The following CFAP20DC variants were observed in gnomAD, a reference collection of about 807,000 sequenced individuals.
CFAP20DC encodes CFAP20 domain containing.
In CFAP20DC, 84 loss-of-function variants were observed where a neutral mutation model predicts 101.7. The ratio of observed to expected loss-of-function variants is 0.83; its 90% CI spans 0.69 to 0.99. The LOEUF is 0.99. Ranked by LOEUF, CFAP20DC falls within the 50% of genes least tolerant of loss-of-function variation. The probability of loss-of-function intolerance (pLI) is 0.00; values close to 1 mark genes in which losing one functional copy is unlikely to be tolerated. For synonymous variants in CFAP20DC, 359 were observed against 351.2 expected (o/e 1.02, Z -0.25); for missense variants, 1,007 against 970.3 (o/e 1.04, Z -0.50).
intron 4 of CFAP20DC, among the ~76,000 whole-genome samples, chr3:59,034,848 T>C (rs557465584): frequency 6.6e-4 from 100 of 152,280 alleles, no homozygotes; most frequent in African/African-American, 2.4e-3. Context: ...CCAGAACTAA[T>C]AGACATCTAC....
chr3:58,799,861 G>C lies in CFAP20DC; in HGVS notation c.2237+6534C>G, dbSNP rs1421816430. ...CTAAAGGTGACTGAGGGCTATTTTA[G>C]GGTGGACACTAAGAAAGGGCCTCCT... On this transcript the variant is annotated intron_variant, in intron 15 of 16. Transcript: ENST00000482387. This position sits in a 1 kb window ranked among gnomAD's most constrained non-coding sequence, Gnocchi z 4.9. Among the ~76,000 whole-genome samples the C allele has an allele frequency of 6.6e-6, 1 of 152,094 alleles. No homozygotes were observed. Among genetic ancestry groups the C allele is most frequent in the East Asian group, 1.9e-4 (1 of 5,194 alleles).
At chr3:58,809,692 T>A (rs1238319095) in intron 14 of CFAP20DC, among the ~76,000 whole-genome samples, 1 of 151,896 alleles carries the variant, frequency 6.6e-6, no homozygotes, top group African/African-American at 2.4e-5. Flanking sequence ...AGGCAAGACA[T>A]AACTAAAATC....
At chr3:58,775,865 C>T (rs2071292145) in intron 15 of CFAP20DC, among the ~76,000 whole-genome samples, 1 of 151,790 alleles carries the variant, frequency 6.6e-6, no homozygotes, top group African/African-American at 2.4e-5. Context: ...CCTGCCTCAG[C>T]CTCCTAAGTA....
At chr3:58,866,982 A>G (rs2108499311) in intron 10 of CFAP20DC, among the ~76,000 whole-genome samples, 1 of 152,272 alleles carries the variant, frequency 6.6e-6, no homozygotes, top group African/African-American at 2.4e-5. Context: ...AGGATCTTAT[A>G]TTTTTTCCCT....
intron 15 of CFAP20DC, among the ~76,000 whole-genome samples, chr3:58,783,186 A>G (rs986501826): frequency 3.9e-5 from 6 of 152,042 alleles, no homozygotes; most frequent in Non-Finnish European, 8.8e-5. Context: ...AGGAAAGGAT[A>G]ACCCCTTCAA....
At chr3:58,800,273 CA>C (rs1179608046) in intron 15 of CFAP20DC, among the ~76,000 whole-genome samples, 3 of 152,124 alleles carry the variant, frequency 2.0e-5, no homozygotes, top group Non-Finnish European at 4.4e-5. Flanking sequence ...AGTATTTGCC[CA>C]GGTGAGAGGT....
intron 4 of CFAP20DC, among the ~76,000 whole-genome samples, chr3:58,979,351 T>C (rs750735136): frequency 1.3e-5 from 2 of 152,232 alleles, no homozygotes; most frequent in Non-Finnish European, 2.9e-5. Flanking sequence ...GCTATAAGGA[T>C]TGAATGCAAT....
chr3:58,797,885 C>G (rs956558920), intron 15 of CFAP20DC, among the ~76,000 whole-genome samples: 1 of 151,988 alleles, frequency 6.6e-6, no homozygotes, highest in Non-Finnish European at 1.5e-5. Context: ...ATAAAAGGAC[C>G]AACAAAGCCT....
In CFAP20DC at chr3:58,721,348, C is replaced by T. The variant is rs2067470370; in HGVS notation, c.198-3720G>A. Among the ~76,000 whole-genome samples, 1 of 152,098 alleles carries T rather than the reference C, an allele frequency of 6.6e-6. No homozygotes were observed. The highest frequency in any genetic ancestry group is 2.4e-5 in the African/African-American group (1 of 41,390). On this transcript the variant is annotated intron_variant, in intron 3 of 3. Coordinates refer to the CFAP20DC transcript ENST00000486145. This position sits in a 1 kb window ranked among gnomAD's most constrained non-coding sequence, Gnocchi z 5.2. ...GGTCACCAAAATCAGAGTTAATGAC[C>T]TCATGGAGTTTATAGTCAGAATGAA...
At position 58,722,813 on chromosome 3, in the gene CFAP20DC, G is replaced by T. The variant is rs2067491205; in HGVS notation, c.198-5185C>A. Among the ~76,000 whole-genome samples the T allele has an allele frequency of 6.6e-6, 1 of 152,200 alleles. No individual in the cohort carries two copies. Among genetic ancestry groups the T allele is most frequent in the Non-Finnish European group, 1.5e-5 (1 of 68,046 alleles). On this transcript the variant is annotated intron_variant, in intron 3 of 3. Coordinates refer to the CFAP20DC transcript ENST00000486145. The surrounding 1 kb of genome is among the most constrained non-coding windows in gnomAD (Gnocchi z 4.5). ...ACAGTCTCATCTTGCACTGCATTTGGATTCAGTGTCAGCAGAATATAGCAG... is the reference window on the plus strand; with the variant it reads ...ACAGTCTCATCTTGCACTGCATTTGTATTCAGTGTCAGCAGAATATAGCAG...
chr3:58,901,734 G>T (rs1054032400), intron 6 of CFAP20DC, among the ~76,000 whole-genome samples: 1 of 152,114 alleles, frequency 6.6e-6, no homozygotes, highest in Non-Finnish European at 1.5e-5. Context: ...TGCCTTTAGA[G>T]CTTTTTTAAA....
At chr3:58,772,865 T>C (rs1238850950) in intron 15 of CFAP20DC, among the ~76,000 whole-genome samples, 1 of 152,192 alleles carries the variant, frequency 6.6e-6, no homozygotes, top group African/African-American at 2.4e-5. Context: ...ACAATGTATT[T>C]TCTAATATAT....
At chr3:58,774,039 G>A (rs990435609) in intron 15 of CFAP20DC, among the ~76,000 whole-genome samples, 1 of 150,718 alleles carries the variant, frequency 6.6e-6, no homozygotes, top group Non-Finnish European at 1.5e-5. Flanking sequence ...TAAACATCAT[G>A]GAAAACTATA....
At chr3:59,042,417 T>C (rs1699473870) in intron 3 of CFAP20DC, among the ~76,000 whole-genome samples, 1 of 151,894 alleles carries the variant, frequency 6.6e-6, no homozygotes, top group Non-Finnish European at 1.5e-5. Context: ...TCGACAAAGA[T>C]TTACTGAATG....
intron 15 of CFAP20DC, among the ~76,000 whole-genome samples, chr3:58,798,995 T>C (rs2107680019): frequency 6.6e-6 from 1 of 152,342 alleles, no homozygotes; most frequent in Middle Eastern, 3.4e-3. Flanking sequence ...TGAAAATTCT[T>C]GTGATTTTTG....
At chr3:58,845,877 G>A (rs1436301563) in intron 13 of CFAP20DC, among the ~76,000 whole-genome samples, 3 of 150,510 alleles carry the variant, frequency 2.0e-5, no homozygotes, top group South Asian at 4.2e-4. Flanking sequence ...ATCAATAAAT[G>A]TAATCCAGCA....
At chr3:59,008,378 C>T (rs943245970) in intron 4 of CFAP20DC, among the ~76,000 whole-genome samples, 2 of 152,140 alleles carry the variant, frequency 1.3e-5, no homozygotes, top group African/African-American at 4.8e-5. Flanking sequence ...AAGGCTGGGA[C>T]CTCAGCCCAC....
intron 12 of CFAP20DC, among the ~76,000 whole-genome samples, chr3:58,851,149 C>G (rs1238516562): frequency 6.6e-6 from 1 of 152,082 alleles, no homozygotes; most frequent in African/African-American, 2.4e-5. Flanking sequence ...TCCCTGCCAT[C>G]CAGGGACTGT....
At chr3:58,958,939 C>T (rs967864103) in intron 4 of CFAP20DC, among the ~76,000 whole-genome samples, 1 of 151,858 alleles carries the variant, frequency 6.6e-6, no homozygotes, top group African/African-American at 2.4e-5. Flanking sequence ...TTTTGAAACA[C>T]AACATTTTAA....
Sources: gnomAD v4.1 joint callset for allele counts (sites outside exome capture counted in the v4.1 genomes callset) on GRCh38, gnomAD v4.1.1 for gene constraint, Gnocchi (gnomAD v3.1) non-coding constraint, MANE v1.5 for transcripts, NCBI Gene and HGNC (gene_info 2026-07-23, HGNC 2026-07-21) for gene names.